CAMTA1: variants seen among roughly 807,000 people sequenced by gnomAD.
The protein encoded by CAMTA1 is calmodulin binding transcription activator 1.
A neutral mutation model predicts 170.9 loss-of-function variants in CAMTA1; 27 were observed. That is an observed-to-expected ratio of 0.16 (90% CI 0.12 to 0.22). The LOEUF (loss-of-function observed/expected upper bound fraction) is 0.22, where lower values mean the gene tolerates loss of function less well. Among genes scored for constraint, CAMTA1 ranks in the 10% least tolerant of loss-of-function variants. The pLI, the probability that CAMTA1 is intolerant of heterozygous loss-of-function variation, is 1.00. For missense variants in CAMTA1, 1,619 were observed against 2,217.2 expected, an observed-to-expected ratio of 0.73 and a Z score of 5.42; for synonymous variants, 833 against 891.5, an observed-to-expected ratio of 0.93 and a Z score of 1.17.
intron 3 of CAMTA1, among the ~76,000 whole-genome samples, chr1:7,078,897 A>G (rs1300854531): frequency 6.6e-6 from 1 of 152,198 alleles, no homozygotes; most frequent in Non-Finnish European, 1.5e-5. Flanking sequence ...AGGTTGATAC[A>G]TCTAGAATTT....
intron 3 of CAMTA1, among the ~76,000 whole-genome samples, chr1:7,000,323 CTTG>C (rs1698038634): frequency 6.6e-6 from 1 of 152,234 alleles, no homozygotes; most frequent in Admixed American, 6.5e-5. Flanking sequence ...AGACTTTCCT[CTTG>C]TTTGGGGGCA....
chr1:7,449,408 G>A (rs528693336), intron 5 of CAMTA1, among the ~76,000 whole-genome samples: 8 of 152,284 alleles, frequency 5.3e-5, no homozygotes, highest in Admixed American at 3.3e-4. Flanking sequence ...TGCTGGCAGC[G>A]TGTGGGATCC....
At chr1:7,123,713 C>A (rs1312268441) in intron 4 of CAMTA1, among the ~76,000 whole-genome samples, 2 of 152,132 alleles carry the variant, frequency 1.3e-5, no homozygotes, top group Non-Finnish European at 2.9e-5. Flanking sequence ...GATGCCTGTT[C>A]TGGCCCTTGA....
rs144133589 is a variant in CAMTA1, at chr1:7,716,736, A to G, written c.2915-15712A>G. Reference sequence around the variant, plus strand: ...ATAATGTATGGAGAATGAGCTTGGCACAACTAATGAGGATCCAGCAATCCC... The same window carrying G: ...ATAATGTATGGAGAATGAGCTTGGCGCAACTAATGAGGATCCAGCAATCCC... On this transcript the variant is annotated intron_variant, in intron 11 of 22. Coordinates refer to ENST00000303635, the MANE Select transcript of CAMTA1 (RefSeq NM_015215.4). Among the ~76,000 whole-genome samples, 9 of 152,328 alleles carry G rather than the reference A, an allele frequency of 5.9e-5. 1 individual carries two copies. In the East Asian group the frequency reaches 1.7e-3, roughly 29 times the overall value.
intron 5 of CAMTA1, among the ~76,000 whole-genome samples, chr1:7,266,557 C>T (rs1192603438): frequency 6.6e-6 from 1 of 152,230 alleles, no homozygotes; most frequent in East Asian, 1.9e-4. Flanking sequence ...GTTCTTCACC[C>T]TCTCGAAGCT....
chr1:7,011,544 C>G (rs576995460), intron 3 of CAMTA1, among the ~76,000 whole-genome samples: 1 of 152,256 alleles, frequency 6.6e-6, no homozygotes, highest in African/African-American at 2.4e-5. Context: ...CGGGGGGGCC[C>G]TCTCCTCATT....
intron 4 of CAMTA1, among the ~76,000 whole-genome samples, chr1:7,124,386 G>A (rs749304237): frequency 2.0e-5 from 3 of 152,140 alleles, no homozygotes; most frequent in Non-Finnish European, 2.9e-5. Flanking sequence ...ATTCTATCCC[G>A]CCTTCGAGGC....
intron 6 of CAMTA1, among the ~76,000 whole-genome samples, chr1:7,627,836 G>A (rs1376548521): frequency 2.0e-5 from 3 of 152,168 alleles, no homozygotes; most frequent in Admixed American, 6.5e-5. Flanking sequence ...GCTAAGTCCC[G>A]GGAAGTAGTT....
intron 5 of CAMTA1, among the ~76,000 whole-genome samples, chr1:7,296,577 A>G (rs1159517892): frequency 1.3e-5 from 2 of 152,202 alleles, no homozygotes; most frequent in Non-Finnish European, 1.5e-5. Context: ...GATGTTAACA[A>G]TGATCCCAAA....
chr1:7,062,879 G>A (rs1048512921), intron 3 of CAMTA1, among the ~76,000 whole-genome samples: 1 of 152,146 alleles, frequency 6.6e-6, no homozygotes, highest in African/African-American at 2.4e-5. Context: ...TCTTCACGCG[G>A]CCTCCCCCAA....
At chr1:7,464,443 C>T (rs1180248771) in intron 5 of CAMTA1, among the ~76,000 whole-genome samples, 1 of 152,218 alleles carries the variant, frequency 6.6e-6, no homozygotes, top group Non-Finnish European at 1.5e-5. Flanking sequence ...GCCACACGGC[C>T]TCATGGAATA....
intron 1 of CAMTA1, among the ~76,000 whole-genome samples, chr1:6,804,854 C>T (rs979923343): frequency 2.0e-5 from 3 of 152,256 alleles, no homozygotes; most frequent in South Asian, 2.1e-4. Flanking sequence ...TACACCTGGC[C>T]ACTTCACTCC....
chr1:7,650,248 T>C (rs17027053), intron 7 of CAMTA1, among the ~76,000 whole-genome samples: 34,267 of 152,154 alleles, frequency 0.23, 4,662 homozygotes, highest in African/African-American at 0.36. Context: ...CTGGTAACAA[T>C]GCCGCTTCGC....
intron 4 of CAMTA1, among the ~76,000 whole-genome samples, chr1:7,098,312 C>G (rs933147859): frequency 6.6e-6 from 1 of 152,242 alleles, no homozygotes; most frequent in Non-Finnish European, 1.5e-5. Flanking sequence ...GAACCGGGAA[C>G]GCACTTCAAA....
At chr1:7,637,941 G>A (rs1313835536) in intron 6 of CAMTA1, among the ~76,000 whole-genome samples, 1 of 152,358 alleles carries the variant, frequency 6.6e-6, no homozygotes, top group Admixed American at 6.5e-5. Context: ...CAGAAAAGCC[G>A]CCATTAAGGA....
rs1479949783 is a variant in CAMTA1, at chr1:7,516,062, C to G, written c.510+48161C>G. Among the ~76,000 whole-genome samples, 4 of 152,206 alleles carry G rather than the reference C, an allele frequency of 2.6e-5. No homozygotes were observed. In the East Asian group the frequency reaches 7.7e-4, roughly 29 times the overall value. The stretch of plus-strand genomic sequence containing the variant: ...TCAGCCTTCCTGGACCGGCCCCCAC[C>G]AGGGCAGGAGAACCTACCCCACTCC... On this transcript the variant is annotated intron_variant, in intron 6 of 22. Transcript: ENST00000303635.
intron 3 of CAMTA1, among the ~76,000 whole-genome samples, chr1:6,983,397 C>T (rs1222016117): frequency 6.6e-6 from 1 of 152,152 alleles, no homozygotes; most frequent in Non-Finnish European, 1.5e-5. Flanking sequence ...CACCTACTCT[C>T]CCTCTTCTTC....
chr1:7,728,035 T>C (rs1416083904), intron 11 of CAMTA1, among the ~76,000 whole-genome samples: 2 of 152,288 alleles, frequency 1.3e-5, no homozygotes, highest in East Asian at 3.8e-4. Context: ...GATGCCGTTA[T>C]GCATGATATG....
chr1:7,032,102 A>G (rs1467956978), intron 3 of CAMTA1, among the ~76,000 whole-genome samples: 6 of 152,054 alleles, frequency 3.9e-5, no homozygotes, highest in Admixed American at 2.0e-4. Flanking sequence ...AGTAGCTGGT[A>G]TTACAGGCAC....
Sources: allele counts gnomAD v4.1 joint callset (sites outside exome capture counted in the v4.1 genomes callset), GRCh38; gene constraint gnomAD v4.1.1; transcripts MANE v1.5; gene names NCBI Gene and HGNC (gene_info 2026-07-23, HGNC 2026-07-21).